Variants in EDIL3 observed in about 807,000 individuals in gnomAD.
EDIL3 encodes EGF like and discoidin domains 3, also known as EGF-like repeat and discoidin I-like domain-containing protein 3.
Under a neutral mutation model 67.4 loss-of-function variants are expected in EDIL3, and 37 were observed. The ratio of observed to expected loss-of-function variants is 0.55; its 90% CI spans 0.42 to 0.72. The LOEUF (loss-of-function observed/expected upper bound fraction) is 0.72. Ranked by LOEUF, EDIL3 falls within the 30% of genes least tolerant of loss-of-function variation. EDIL3 has a pLI of 0.00. For missense variants in EDIL3, 527 were observed against 586.3 expected (o/e 0.90, Z 1.04); for synonymous variants, 195 against 196.3 (o/e 0.99, Z 0.05).
intron 1 of EDIL3, among the ~76,000 whole-genome samples, chr5:84,376,060 G>A (rs561885221): frequency 1.3e-5 from 2 of 152,138 alleles, no homozygotes; most frequent in East Asian, 1.9e-4. Context: ...ACAGAGCATC[G>A]CCTAATAGTT....
intron 9 of EDIL3, among the ~76,000 whole-genome samples, chr5:84,054,099 C>G (rs376605865): frequency 7.9e-5 from 12 of 151,432 alleles, no homozygotes; most frequent in Middle Eastern, 3.4e-3. Flanking sequence ...ACATCAAAAA[C>G]CTTATCCACC....
chr5:84,237,704 C>T (rs1334125647), intron 2 of EDIL3, among the ~76,000 whole-genome samples: 2 of 151,982 alleles, frequency 1.3e-5, no homozygotes, highest in Non-Finnish European at 2.9e-5. Flanking sequence ...AAAATATTTG[C>T]TTTTTGTAAG....
intron 6 of EDIL3, among the ~76,000 whole-genome samples, chr5:84,097,826 C>A (rs1164033981): frequency 6.6e-6 from 1 of 151,654 alleles, no homozygotes; most frequent in South Asian, 2.1e-4. Flanking sequence ...AAGAAAAACA[C>A]AGAGAAATTG....
chr5:84,291,836 T>C (rs1047407995), intron 1 of EDIL3, among the ~76,000 whole-genome samples: 5 of 149,578 alleles, frequency 3.3e-5, no homozygotes, highest in African/African-American at 7.3e-5. Context: ...CACACATATA[T>C]ATATATATAC....
chr5:84,354,317 AT>A (rs1421516751), intron 1 of EDIL3, among the ~76,000 whole-genome samples: 2 of 152,184 alleles, frequency 1.3e-5, no homozygotes, highest in African/African-American at 4.8e-5. Context: ...GCTAAAAATA[AT>A]TTTTTAATAC....
chr5:84,217,380 C>T (rs553717917), intron 3 of EDIL3, among the ~76,000 whole-genome samples: 14 of 152,218 alleles, frequency 9.2e-5, no homozygotes, highest in Non-Finnish European at 1.9e-4. Context: ...AAATTTTACA[C>T]GTCAATTTGA....
chr5:84,201,932 T>C (rs1229497922), intron 3 of EDIL3, among the ~76,000 whole-genome samples: 1 of 152,064 alleles, frequency 6.6e-6, no homozygotes, highest in Non-Finnish European at 1.5e-5. Context: ...AAGAAGTACA[T>C]AGATTTTAAA....
intron 9 of EDIL3, among the ~76,000 whole-genome samples, chr5:84,009,433 A>G (rs1745480454): frequency 6.6e-6 from 1 of 151,954 alleles, no homozygotes; most frequent in Non-Finnish European, 1.5e-5. Context: ...TGGTATTTTC[A>G]CTCCCTGGGA....
chr5:84,383,579 C>T (rs540654459), intron 1 of EDIL3, among the ~76,000 whole-genome samples: 2 of 152,320 alleles, frequency 1.3e-5, no homozygotes, highest in East Asian at 3.9e-4. Flanking sequence ...GGTGGCTTGC[C>T]CCGCACTATT....
intron 1 of EDIL3, among the ~76,000 whole-genome samples, chr5:84,318,914 A>G (rs1300782470): frequency 2.0e-5 from 3 of 152,190 alleles, no homozygotes; most frequent in Non-Finnish European, 4.4e-5. Flanking sequence ...TCCATCTGAC[A>G]AAGGCTAATA....
chr5:84,104,941 A>T (rs1449326236), intron 6 of EDIL3, among the ~76,000 whole-genome samples: 1 of 152,052 alleles, frequency 6.6e-6, no homozygotes, highest in Non-Finnish European at 1.5e-5. Context: ...CAATCATTGA[A>T]GCTCACGAAC....
chr5:84,199,140 G>GACT (rs1400245376), intron 3 of EDIL3, among the ~76,000 whole-genome samples: 14 of 151,876 alleles, frequency 9.2e-5, no homozygotes, highest in Admixed American at 9.2e-4. Context: ...TTATCAGAAG[G>GACT]GCCTATGCTA....
intron 9 of EDIL3, among the ~76,000 whole-genome samples, chr5:83,970,687 A>G (rs1744777088): frequency 7.3e-6 from 1 of 137,594 alleles, no homozygotes; most frequent in African/African-American, 2.7e-5. Flanking sequence ...ATATATATTT[A>G]AGAACATAAT....
chr5:84,255,798 A>G (rs1376444923), intron 1 of EDIL3, among the ~76,000 whole-genome samples: 6 of 152,198 alleles, frequency 3.9e-5, no homozygotes, highest in Non-Finnish European at 7.4e-5. Context: ...AGCAGACCTT[A>G]GAAAAGAGAG....
At chr5:84,112,079 G>C (rs899180016) in intron 5 of EDIL3, among the ~76,000 whole-genome samples, 3 of 152,078 alleles carry the variant, frequency 2.0e-5, no homozygotes, top group Non-Finnish European at 4.4e-5. Flanking sequence ...ATGGTTAAGA[G>C]ATGAAGTGGA....
chr5:84,197,655 C>T (rs1743740202), intron 3 of EDIL3, among the ~76,000 whole-genome samples: 1 of 147,896 alleles, frequency 6.8e-6, no homozygotes, highest in South Asian at 2.1e-4. Context: ...GAAACTACAT[C>T]TCAAAAAAAA....
intron 9 of EDIL3, among the ~76,000 whole-genome samples, chr5:84,045,462 A>T (rs1160745225): frequency 6.6e-6 from 1 of 152,206 alleles, no homozygotes; most frequent in African/African-American, 2.4e-5. Context: ...CAATTAGTTC[A>T]GAAGTCAAAA....
chr5:83,979,015 G>C (rs983528960), intron 9 of EDIL3, among the ~76,000 whole-genome samples: 2 of 151,914 alleles, frequency 1.3e-5, no homozygotes, highest in East Asian at 1.9e-4. Context: ...AGAAAACATA[G>C]AGTCTGAGAG....
chr5:84,241,656 C>T (rs376656510), intron 2 of EDIL3, among the ~76,000 whole-genome samples: 3 of 151,018 alleles, frequency 2.0e-5, no homozygotes, highest in South Asian at 2.1e-4. Context: ...AACTAAATTG[C>T]CCCCAGTTTG....
Sources: gnomAD v4.1 joint callset for allele counts (sites outside exome capture counted in the v4.1 genomes callset) on GRCh38, gnomAD v4.1.1 for gene constraint, MANE v1.5 for transcripts, NCBI Gene and HGNC (gene_info 2026-07-23, HGNC 2026-07-21) for gene names.